The following DGKB variants were observed in gnomAD, a reference collection of about 807,000 sequenced individuals.
DGKB encodes the protein 90 kDa diacylglycerol kinase.
DGKB carries 67 observed loss-of-function variants against 114.3 expected under a neutral mutation model. The ratio of observed to expected loss-of-function variants is 0.59; its 90% CI spans 0.48 to 0.72. The LOEUF (loss-of-function observed/expected upper bound fraction) is 0.72, where lower values mean the gene tolerates loss of function less well. Among genes scored for constraint, DGKB ranks in the 30% least tolerant of loss-of-function variants. The pLI is 0.00. For synonymous variants in DGKB, 398 were observed against 323.1 expected, an observed-to-expected ratio of 1.23 and a Z score of -2.49; for missense variants, 907 against 975.2, an observed-to-expected ratio of 0.93 and a Z score of 0.93.
intron 5 of DGKB, among the ~76,000 whole-genome samples, chr7:14,722,130 A>G (rs1359837341): frequency 6.6e-6 from 1 of 152,210 alleles, no homozygotes; most frequent in East Asian, 1.9e-4. Context: ...TCCAATCTCT[A>G]TAATATACAT....
chr7:14,949,032 CA>C (rs1240341730), intron 1 of DGKB, among the ~76,000 whole-genome samples: 5 of 151,558 alleles, frequency 3.3e-5, no homozygotes, highest in African/African-American at 1.2e-4. Context: ...AAACAAAACA[CA>C]AATTGAGAAA....
intron 23 of DGKB, among the ~76,000 whole-genome samples, chr7:14,260,865 G>T (rs969584013): frequency 2.0e-5 from 3 of 152,124 alleles, no homozygotes; most frequent in Non-Finnish European, 4.4e-5. Context: ...CTAATTCATT[G>T]CTCATGAAGA....
intron 23 of DGKB, among the ~76,000 whole-genome samples, chr7:14,221,844 T>C (rs1374469208): frequency 6.6e-6 from 1 of 151,444 alleles, no homozygotes; most frequent in Non-Finnish European, 1.5e-5. Flanking sequence ...TCTACACTTA[T>C]CAATTCAGAT....
chr7:14,718,618 T>C lies in DGKB; in HGVS notation c.390A>G (p.Pro130=), dbSNP rs932307055. 6.2e-7 allele frequency: 1 copy of C among 1,612,760 alleles called. No individual in the cohort carries two copies. The highest frequency in any genetic ancestry group is 8.5e-7 in the Non-Finnish European group (1 of 1,179,064). Residue 130 remains proline (P), a synonymous_variant, in exon 6 of 26, where the codon CCA becomes CCG. Transcript: ENST00000402815. ...RTTSPANTCS[P]EVIHLKDIVC... is the part of the protein sequence containing the mutation. ...CAATGTCCTTCAGATGGATTACTTCTGGGGAACACGTATTTGCAGGAGAAG... is the reference window on the plus strand; with the variant it reads ...CAATGTCCTTCAGATGGATTACTTCCGGGGAACACGTATTTGCAGGAGAAG...
At chr7:14,633,644 G>A (rs768258159) in intron 13 of DGKB, among the ~76,000 whole-genome samples, 3 of 151,848 alleles carry the variant, frequency 2.0e-5, no homozygotes, top group Admixed American at 6.6e-5. Context: ...CAGAGTAAAT[G>A]TTTTGGTTTT....
intron 1 of DGKB, among the ~76,000 whole-genome samples, chr7:14,941,855 A>G (rs146911591): frequency 7.2e-5 from 11 of 152,196 alleles, no homozygotes; most frequent in Middle Eastern, 3.4e-3. Context: ...CAGGCATAAT[A>G]AGGTATAATT....
intron 25 of DGKB, chr7:14,176,183 A>C (rs1280643216): frequency 5.1e-6 from 1 of 196,264 alleles, no homozygotes; most frequent in African/African-American, 2.4e-5. Context: ...AATGTAAGTA[A>C]CTTGAAGGAA....
At chr7:14,750,553 C>G (rs1833954016) in intron 4 of DGKB, among the ~76,000 whole-genome samples, 1 of 152,072 alleles carries the variant, frequency 6.6e-6, no homozygotes, top group African/African-American at 2.4e-5. Flanking sequence ...CTTGATTGGA[C>G]TGCTTCCATA....
chr7:14,756,341 G>T (rs1305270647), intron 3 of DGKB, among the ~76,000 whole-genome samples: 1 of 151,758 alleles, frequency 6.6e-6, no homozygotes, highest in Non-Finnish European at 1.5e-5. Context: ...TCTCAGTTTT[G>T]TAAGTTTAGC....
chr7:14,394,690 T>G (rs1821955139), intron 21 of DGKB, among the ~76,000 whole-genome samples: 1 of 151,976 alleles, frequency 6.6e-6, no homozygotes. Flanking sequence ...TTCTGAAACT[T>G]CAATCACATT....
rs1247483607 is a variant in DGKB at position 14,471,166 on chromosome 7, ATATGGAATATATGTATATATACATATATG to A, written c.1835+6966_1835+6994del. On this transcript the variant is annotated intron_variant, in intron 21 of 25. Coordinates refer to ENST00000402815, the MANE Select transcript of DGKB (RefSeq NM_001350709.2). Reference sequence around the variant, plus strand: ...TCTTAGAAATGATAATTTTCCATATATATGGAATATATGTATATATACATATATGTATGGAATATATGTATATATACATA... The same window carrying A: ...TCTTAGAAATGATAATTTTCCATATATATGGAATATATGTATATATACATA... Among the ~76,000 whole-genome samples, 288 of 130,824 alleles carry A rather than the reference ATATGGAATATATGTATATATACATATATG, an allele frequency of 2.2e-3. 44 individuals carry two copies. The highest frequency in any genetic ancestry group is 6.8e-3 in the African/African-American group (251 of 37,112). The allele number at this position is 130,824 out of a possible 152,430, so 85.8% of individuals were successfully genotyped here.
rs148949206 is a variant in DGKB, at chr7:14,207,057, G to A, written c.2123-28906C>T. On this transcript the variant is annotated intron_variant, in intron 23 of 25. Coordinates refer to ENST00000402815, the MANE Select transcript of DGKB (RefSeq NM_001350709.2). Reference sequence around the variant, plus strand: ...TATACTGTTTCTCTTACTGGGAGTTGAAGAGGTTGATCATGTTTTCTTGCT... The same window carrying A: ...TATACTGTTTCTCTTACTGGGAGTTAAAGAGGTTGATCATGTTTTCTTGCT... Among the ~76,000 whole-genome samples the A allele has an allele frequency of 1.2e-3, 190 of 152,140 alleles. 1 individual carries two copies. Among genetic ancestry groups the A allele is most frequent in the African/African-American group, 4.5e-3 (188 of 41,522 alleles).
At chr7:14,328,882 C>A (rs576354424) in intron 23 of DGKB, among the ~76,000 whole-genome samples, 2 of 152,034 alleles carry the variant, frequency 1.3e-5, no homozygotes, top group South Asian at 2.1e-4. Flanking sequence ...AGCTAACAAA[C>A]CTTGCCGAAA....
At chr7:14,695,684 T>C (rs1421810525) in intron 8 of DGKB, among the ~76,000 whole-genome samples, 1 of 151,694 alleles carries the variant, frequency 6.6e-6, no homozygotes, top group Non-Finnish European at 1.5e-5. Context: ...TGTGTGTGTA[T>C]TTTTAGTAGA....
At chr7:14,306,357 G>A (rs1002642972) in intron 23 of DGKB, among the ~76,000 whole-genome samples, 2 of 152,070 alleles carry the variant, frequency 1.3e-5, no homozygotes, top group Non-Finnish European at 2.9e-5. Flanking sequence ...AGTTAGGAGA[G>A]GGATACATGA....
chr7:14,804,070 GGTGTGTGTGTGTGTGTGT>G (rs34964846), intron 2 of DGKB, among the ~76,000 whole-genome samples: 1 of 146,508 alleles, frequency 6.8e-6, no homozygotes, highest in African/African-American at 2.5e-5. Flanking sequence ...TCACTTTTTG[GGTGTGTGTGTGTGTGTGT>G]GTGTGTGTGT....
At chr7:14,307,203 G>T (rs1283204669) in intron 23 of DGKB, among the ~76,000 whole-genome samples, 1 of 126,624 alleles carries the variant, frequency 7.9e-6, no homozygotes, top group Non-Finnish European at 1.8e-5. Flanking sequence ...CTGGACTATA[G>T]TAAGAATCCA....
intron 20 of DGKB, among the ~76,000 whole-genome samples, chr7:14,552,968 AG>A (rs1226301032): frequency 6.6e-6 from 1 of 152,242 alleles, no homozygotes; most frequent in Admixed American, 6.5e-5. Flanking sequence ...AGTGGTCTTA[AG>A]GCTGATAGTG....
chr7:14,298,985 C>A (rs1007294495), intron 23 of DGKB, among the ~76,000 whole-genome samples: 2 of 152,022 alleles, frequency 1.3e-5, no homozygotes, highest in African/African-American at 2.4e-5. Context: ...ACTCAAAAAC[C>A]ACAATGAGAT....
Sources: allele counts gnomAD v4.1 joint callset (sites outside exome capture counted in the v4.1 genomes callset), GRCh38; gene constraint gnomAD v4.1.1; transcripts MANE v1.5; gene names NCBI Gene and HGNC (gene_info 2026-07-23, HGNC 2026-07-21).